PRDM2: variants seen among roughly 807,000 people sequenced by gnomAD.
The protein encoded by PRDM2 is PR/SET domain 2.
A neutral mutation model predicts 130.0 loss-of-function variants in PRDM2; 30 were observed. That is an observed-to-expected ratio of 0.23 (90% CI 0.17 to 0.31). The LOEUF (loss-of-function observed/expected upper bound fraction) is 0.31. PRDM2 is among the 10% of genes least tolerant of loss of function. The pLI is 1.00. For missense variants in PRDM2, 2,011 were observed against 2,108.4 expected, an observed-to-expected ratio of 0.95 and a Z score of 0.90; for synonymous variants, 871 against 782.4, an observed-to-expected ratio of 1.11 and a Z score of -1.89.
rs756101009 is a variant in PRDM2 at position 13,780,889 on chromosome 1, T to G, written c.3094T>G (p.Ser1032Ala). 6.2e-7 allele frequency: 1 copy of G among 1,608,868 alleles called. No individual in the cohort carries two copies. The highest frequency in any genetic ancestry group is 1.4e-5 in the African/African-American group (1 of 73,154). The part of the protein sequence containing the change: ...ILSPTVSPSP[S>A]PIPPVEPLMS... ...GTCCCCAACAGTGTCCCCCTCTCCCTCTCCCATTCCTCCCGTGGAGCCCCT... is the reference window on the plus strand; with the variant it reads ...GTCCCCAACAGTGTCCCCCTCTCCCGCTCCCATTCCTCCCGTGGAGCCCCT... The change falls in exon 8 of 10, where the codon TCT becomes GCT. Residue 1032 changes from serine (S) to alanine (A), a missense_variant. Physicochemically the swap from Ser to Ala is moderately conservative, Grantham distance 99 (BLOSUM62 1). Coordinates refer to ENST00000311066, the MANE Select transcript of PRDM2 (RefSeq NM_001393986.1).
chr1:13,758,785 A>T (rs1644025420), intron 6 of PRDM2, among the ~76,000 whole-genome samples: 2 of 152,212 alleles, frequency 1.3e-5, no homozygotes, highest in South Asian at 4.1e-4. Flanking sequence ...AAGTTTTAAT[A>T]ATCTAGTCAA....
In PRDM2 at chr1:13,816,562, C is replaced by T. The variant is rs1394715339; in HGVS notation, c.*15C>T. On this transcript the variant is annotated 3_prime_UTR_variant, in exon 9 of 10. Coordinates refer to ENST00000311066, the MANE Select transcript of PRDM2 (RefSeq NM_001393986.1). ...TCAAAGAGTAGACACTCTGGCTGCT[C>T]CCTGACAGGTACGAGGCAGGATGGA... 3.1e-6 allele frequency: 5 copies of T among 1,614,086 alleles called. 1 individual carries two copies. The South Asian group carries it at 5.5e-5, about 18-fold the overall frequency.
chr1:13,760,864 A>AG (rs1387919383), intron 6 of PRDM2, among the ~76,000 whole-genome samples: 6 of 152,222 alleles, frequency 3.9e-5, no homozygotes, highest in Non-Finnish European at 7.3e-5. Context: ...TAAAAAAAAA[A>AG]AAAAATGAGC....
chr1:13,708,098 G>A lies in PRDM2; in HGVS notation c.-65-7443G>A, dbSNP rs571501707. On this transcript the variant is annotated intron_variant, in intron 1 of 9. Coordinates refer to ENST00000311066, the MANE Select transcript of PRDM2 (RefSeq NM_001393986.1). ...ATCAATAATAAAGAATAAATAATCA[G>A]CAACTGCCATACGTTTACTTCTGAG... Among the ~76,000 whole-genome samples the A allele has an allele frequency of 4.6e-5, 7 of 151,968 alleles. No homozygotes were observed. In the East Asian group the frequency reaches 7.7e-4, roughly 17 times the overall value.
intron 8 of PRDM2, among the ~76,000 whole-genome samples, chr1:13,807,971 C>G (rs1442108851): frequency 6.6e-6 from 1 of 152,154 alleles, no homozygotes; most frequent in Non-Finnish European, 1.5e-5. Context: ...TGACATCCCC[C>G]TGTGCTTTCA....
chr1:13,774,795 T>G (rs1242689598), intron 7 of PRDM2, among the ~76,000 whole-genome samples: 3 of 151,786 alleles, frequency 2.0e-5, no homozygotes, highest in Non-Finnish European at 4.4e-5. Context: ...GCTAACATGG[T>G]GAAACCCCGT....
At chr1:13,709,374 C>T (rs1205935413) in intron 1 of PRDM2, among the ~76,000 whole-genome samples, 2 of 152,086 alleles carry the variant, frequency 1.3e-5, no homozygotes, top group Non-Finnish European at 2.9e-5. Context: ...AGGAATTGTG[C>T]GTGGTAGTTT....
intron 1 of PRDM2, among the ~76,000 whole-genome samples, chr1:13,702,494 A>G: frequency 6.6e-6 from 1 of 152,206 alleles, no homozygotes; most frequent in East Asian, 1.9e-4. Flanking sequence ...GCATCTAAAT[A>G]AGCATTTTTC....
chr1:13,760,184 A>G (rs1644061485), intron 6 of PRDM2, among the ~76,000 whole-genome samples: 2 of 152,196 alleles, frequency 1.3e-5, no homozygotes, highest in Admixed American at 1.3e-4. Context: ...TACTTACTCA[A>G]TTTCTGTCTG....
chr1:13,760,876 GT>G (rs956397228), intron 6 of PRDM2, among the ~76,000 whole-genome samples: 1 of 151,886 alleles, frequency 6.6e-6, no homozygotes, highest in African/African-American at 2.4e-5. Flanking sequence ...AAAATGAGCA[GT>G]TTCACCATCT....
chr1:13,772,808 A>G (rs150234587), intron 6 of PRDM2, among the ~76,000 whole-genome samples: 6 of 152,320 alleles, frequency 3.9e-5, no homozygotes, highest in African/African-American at 1.4e-4. Context: ...ATAGCTATGA[A>G]GGGAACTAAT....
At position 13,804,008 on chromosome 1, in the gene PRDM2, C is replaced by T. The variant is rs149972591; in HGVS notation, c.5037-12419C>T. Reference sequence around the variant, plus strand: ...GTGTCTGCTGAGGCCGACTTCAGCCCTGAAATCAGATCTGGGTGTGAATCT... The same window carrying T: ...GTGTCTGCTGAGGCCGACTTCAGCCTTGAAATCAGATCTGGGTGTGAATCT... On this transcript the variant is annotated intron_variant, in intron 8 of 9. Transcript: ENST00000311066. 5.7e-3 allele frequency among the ~76,000 whole-genome samples: 875 copies of T among 152,226 alleles called. 8 individuals carry two copies. The highest frequency in any genetic ancestry group is 0.02 in the African/African-American group (824 of 41,532).
chr1:13,789,679 G>T (rs1367691943), intron 8 of PRDM2, among the ~76,000 whole-genome samples: 1 of 152,078 alleles, frequency 6.6e-6, no homozygotes, highest in Admixed American at 6.5e-5. Context: ...GTTTTGATTT[G>T]ATATTGAACC....
At chr1:13,817,319 C>A (rs2463873) in intron 9 of PRDM2, among the ~76,000 whole-genome samples, 38 of 152,148 alleles carry the variant, frequency 2.5e-4, no homozygotes, top group African/African-American at 8.4e-4. Context: ...TGTAATCTGT[C>A]CTAATCCATA....
At chr1:13,710,751 G>T (rs1198674354) in intron 1 of PRDM2, among the ~76,000 whole-genome samples, 4 of 152,220 alleles carry the variant, frequency 2.6e-5, no homozygotes, top group African/African-American at 4.8e-5. Flanking sequence ...TTCAGTATCT[G>T]CTGTTAGCAA....
chr1:13,747,026 A>T (rs1278013634), intron 5 of PRDM2, among the ~76,000 whole-genome samples: 1 of 152,208 alleles, frequency 6.6e-6, no homozygotes, highest in African/African-American at 2.4e-5. Flanking sequence ...TCCCAAGTAG[A>T]GTTTGTGTGG....
chr1:13,734,775 G>A (rs1446281322), intron 4 of PRDM2, among the ~76,000 whole-genome samples: 2 of 152,086 alleles, frequency 1.3e-5, no homozygotes, highest in Non-Finnish European at 2.9e-5. Flanking sequence ...CATTCAAGTA[G>A]TTCTGACTAC....
chr1:13,716,051 A>G (rs973922933), intron 2 of PRDM2, among the ~76,000 whole-genome samples: 1 of 152,164 alleles, frequency 6.6e-6, no homozygotes, highest in African/African-American at 2.4e-5. Context: ...AACCAACCCA[A>G]ATGTCCAACA....
chr1:13,816,287 C>T, intron 8 of PRDM2, 140 bp from the exon 9 acceptor site: 5 of 1,031,592 alleles, frequency 4.8e-6, no homozygotes, highest in Non-Finnish European at 7.1e-6. Flanking sequence ...TGCCAGGCAC[C>T]TGGCCTCAAG....
Sources: allele counts gnomAD v4.1 joint callset (sites outside exome capture counted in the v4.1 genomes callset), GRCh38; gene constraint gnomAD v4.1.1; transcripts MANE v1.5; gene names NCBI Gene and HGNC (gene_info 2026-07-23, HGNC 2026-07-21).